CEP120: variants seen among roughly 807,000 people sequenced by gnomAD.
The protein encoded by CEP120 is centrosomal protein 120.
In CEP120, 113 loss-of-function variants were observed where a neutral mutation model predicts 126.5. That is an observed-to-expected ratio of 0.89 (90% CI 0.77 to 1.04). The LOEUF is 1.04. Among genes scored for constraint, CEP120 ranks in the 50% least tolerant of loss-of-function variants. The pLI, the probability that CEP120 is intolerant of heterozygous loss-of-function variation, is 0.00. For synonymous variants in CEP120, 400 were observed against 394.3 expected, an observed-to-expected ratio of 1.01 and a Z score of -0.17; for missense variants, 1,230 against 1,155.7, an observed-to-expected ratio of 1.06 and a Z score of -0.93.
intron 5 of CEP120, 48 bp from the exon 6 acceptor site, chr5:123,393,545 G>T: frequency 6.9e-7 from 1 of 1,456,232 alleles, no homozygotes; most frequent in Non-Finnish European, 9.6e-7. Flanking sequence ...CTAAACTACT[G>T]AACATGCTTA....
rs1427214273 is a variant in CEP120 at position 123,382,872 on chromosome 5, C to T, written c.1878G>A (p.Gln626=). ...SDSSQGVSAV[Q]QKPSSLPPAP... ...CTGGAGGAAGAGAAGACGGCTTTTGCTGTACGGCAGATACACCCTAAGAGA... is the reference window on the plus strand; with the variant it reads ...CTGGAGGAAGAGAAGACGGCTTTTGTTGTACGGCAGATACACCCTAAGAGA... Residue 626 remains glutamine (Q), a synonymous_variant, in exon 13 of 20, where the codon CAG becomes CAA. Coordinates refer to ENST00000306467, the MANE Select transcript of CEP120 (RefSeq NM_001375405.1). 2 of 1,613,286 alleles carry T rather than the reference C, an allele frequency of 1.2e-6. No homozygotes were observed. The highest frequency in any genetic ancestry group is 2.2e-5 in the East Asian group (1 of 44,850).
rs1360248209 is a variant in CEP120, at chr5:123,406,562, A to G, written c.463+5837T>C. 3.4e-5 allele frequency among the ~76,000 whole-genome samples: 5 copies of G among 148,000 alleles called. No homozygotes were observed. In the Admixed American group the frequency reaches 3.4e-4, roughly 10 times the overall value. ...CAGAAGCCATGCAAGCAAGAAGGGT[A>G]GAGTGAAGTATTTACAATGTTGAGA... is the stretch of plus-strand genomic sequence containing the variant. On this transcript the variant is annotated intron_variant, in intron 4 of 19. Coordinates refer to ENST00000306467, the MANE Select transcript of CEP120 (RefSeq NM_001375405.1).
At chr5:123,383,259 T>G (rs560581498) in intron 11 of CEP120, among the ~76,000 whole-genome samples, 177 bp from the exon 12 acceptor site, 1 of 152,094 alleles carries the variant, frequency 6.6e-6, no homozygotes, top group Non-Finnish European at 1.5e-5. Flanking sequence ...TATATATAAA[T>G]TGATCATCAC....
chr5:123,391,578 G>A (rs1446889053), intron 6 of CEP120, among the ~76,000 whole-genome samples: 1 of 145,594 alleles, frequency 6.9e-6, no homozygotes, highest in Non-Finnish European at 1.5e-5. Context: ...TCTTCTTTCG[G>A]TATTACATAA....
chr5:123,402,187 C>T (rs1184273565), intron 4 of CEP120: 88 of 1,571,520 alleles, frequency 5.6e-5, no homozygotes, highest in South Asian at 4.4e-4. Context: ...CCACCACAGC[C>T]GCCGCCCAGG....
At chr5:123,357,635 A>C (rs1466847980) in intron 18 of CEP120, among the ~76,000 whole-genome samples, 1 of 152,082 alleles carries the variant, frequency 6.6e-6, no homozygotes, top group Non-Finnish European at 1.5e-5. Context: ...GGTGACGTGC[A>C]CCTGTAGTCC....
At chr5:123,361,764 G>A (rs76431217) in intron 18 of CEP120, among the ~76,000 whole-genome samples, 32,709 of 151,618 alleles carry the variant, frequency 0.22, 3,824 homozygotes, top group Middle Eastern at 0.26. Context: ...ACAGCTTTAT[G>A]GCTCATCTCT....
Position 123,349,606 on chromosome 5 carries a change from A to G in CEP120, c.2726+338T>C, listed in dbSNP as rs149352495. Among the ~76,000 whole-genome samples the G allele has an allele frequency of 2.0e-5, 3 of 152,296 alleles. No homozygotes were observed. In the East Asian group the frequency reaches 5.8e-4, roughly 29 times the overall value. ...TGCCATAGCTGTATTCACAGGAAAA[A>G]AAAAGTTTAATAGTCTTTGGCATAG... On this transcript the variant is annotated intron_variant, in intron 19 of 19. Transcript: ENST00000306467.
At chr5:123,370,002 A>C (rs1770734859) in intron 17 of CEP120, among the ~76,000 whole-genome samples, 1 of 151,960 alleles carries the variant, frequency 6.6e-6, no homozygotes, top group South Asian at 2.1e-4. Context: ...GCCCTCCATT[A>C]ATTTTTGCTG....
intron 16 of CEP120, among the ~76,000 whole-genome samples, chr5:123,375,340 T>TTAA (rs1771137104): frequency 1.3e-5 from 2 of 152,058 alleles, no homozygotes; most frequent in African/African-American, 2.4e-5. Context: ...CTTTTTTTTT[T>TTAA]GAGACACCGT....
At chr5:123,347,095 T>C (rs1191435379) in intron 19 of CEP120, among the ~76,000 whole-genome samples, 1 of 152,204 alleles carries the variant, frequency 6.6e-6, no homozygotes, top group Non-Finnish European at 1.5e-5. Context: ...TTCTGTATTT[T>C]CAAGTTTAAA....
intron 16 of CEP120, among the ~76,000 whole-genome samples, chr5:123,374,489 T>A (rs912066243): frequency 4.6e-5 from 7 of 152,244 alleles, no homozygotes; most frequent in Middle Eastern, 3.4e-3. Context: ...AGTTTTTTTT[T>A]AAATGCGAAC....
At chr5:123,418,710 C>T (rs1774530250) in intron 1 of CEP120, among the ~76,000 whole-genome samples, 195 bp from the exon 2 acceptor site, 1 of 151,800 alleles carries the variant, frequency 6.6e-6, no homozygotes, top group South Asian at 2.1e-4. Context: ...GATTCTCCTA[C>T]CTGAGCCTCC....
intron 13 of CEP120, 35 bp from the exon 14 acceptor site, chr5:123,382,235 C>T: frequency 7.3e-7 from 1 of 1,371,572 alleles, no homozygotes; most frequent in Middle Eastern, 1.8e-4. Flanking sequence ...CGCCAAAAAA[C>T]CCCAAATATG....
Position 123,348,651 on chromosome 5 carries a change from A to G in CEP120, c.2726+1293T>C, listed in dbSNP as rs374944226. 1.9e-4 allele frequency among the ~76,000 whole-genome samples: 29 copies of G among 152,310 alleles called. No individual in the cohort carries two copies. In the East Asian group the frequency reaches 5.6e-3, roughly 29 times the overall value. On this transcript the variant is annotated intron_variant, in intron 19 of 19. Coordinates refer to ENST00000306467, the MANE Select transcript of CEP120 (RefSeq NM_001375405.1). ...ACATTTTTCTCCACTTCATACATGGAGATATAATAAGATACTGTTTTAAAT... is the reference window on the plus strand; with the variant it reads ...ACATTTTTCTCCACTTCATACATGGGGATATAATAAGATACTGTTTTAAAT...
chr5:123,364,348 TATAAC>T (rs1770302981), intron 18 of CEP120, 143 bp downstream of exon 18: 1 of 388,256 alleles, frequency 2.6e-6, no homozygotes, highest in Non-Finnish European at 4.6e-6. Flanking sequence ...ATCTTGCCTT[TATAAC>T]ATATTTTTAT....
intron 18 of CEP120, among the ~76,000 whole-genome samples, chr5:123,359,982 A>ATCTAATCCGT (rs1278951342): frequency 6.6e-6 from 1 of 151,940 alleles, no homozygotes; most frequent in Non-Finnish European, 1.5e-5. Context: ...GGCTTTCACC[A>ATCTAATCCGT]TCTAATCCGT....
chr5:123,395,768 G>A (rs921709581), intron 5 of CEP120, among the ~76,000 whole-genome samples: 4 of 145,816 alleles, frequency 2.7e-5, no homozygotes, highest in Non-Finnish European at 6.0e-5. Context: ...TGCAAGCTCC[G>A]CCTCCTGGGT....
At chr5:123,354,357 A>G (rs1769412137) in intron 18 of CEP120, among the ~76,000 whole-genome samples, 1 of 152,124 alleles carries the variant, frequency 6.6e-6, no homozygotes, top group South Asian at 2.1e-4. Flanking sequence ...TGTGCACTAG[A>G]AAATAGTGTA....
Sources: allele counts gnomAD v4.1 joint callset (sites outside exome capture counted in the v4.1 genomes callset), GRCh38; gene constraint gnomAD v4.1.1; transcripts MANE v1.5; gene names NCBI Gene and HGNC (gene_info 2026-07-23, HGNC 2026-07-21).